The following FARS2 variants were observed in gnomAD, a reference collection of about 807,000 sequenced individuals.
FARS2 encodes the protein phenylalanine--tRNA ligase, mitochondrial.
FARS2 carries 40 observed loss-of-function variants against 46.4 expected under a neutral mutation model. The ratio of observed to expected loss-of-function variants is 0.86; its 90% CI spans 0.67 to 1.12. FARS2 has a LOEUF of 1.12. Among genes scored for constraint, FARS2 ranks in the 50% most tolerant of loss-of-function variants. The pLI is 0.00. For missense variants in FARS2, 513 were observed against 567.9 expected (o/e 0.90, Z 0.98); for synonymous variants, 234 against 214.9 (o/e 1.09, Z -0.78).
Position 5,717,933 on chromosome 6 carries a change from TATAC to T in FARS2, c.1218-53356_1218-53353del, listed in dbSNP as rs1207327653. 3.1e-5 allele frequency among the ~76,000 whole-genome samples: 4 copies of T among 128,226 alleles called. No homozygotes were observed. The East Asian group carries it at 6.0e-4, about 19-fold the overall frequency. 84.1% of individuals were successfully genotyped at this position (128,226 alleles called of 152,430 possible). A position where few individuals can be genotyped will look rare whatever the true frequency, so the allele number is the denominator to read the frequency against. ...CTATATATATATATATATATATATA[TATAC>T]AGAGTCTCACTCTGTCGCCCAGGCT... On this transcript the variant is annotated intron_variant, in intron 6 of 6. Transcript: ENST00000274680.
At chr6:5,526,087 C>T (rs904589656) in intron 4 of FARS2, among the ~76,000 whole-genome samples, 1 of 152,140 alleles carries the variant, frequency 6.6e-6, no homozygotes, top group Non-Finnish European at 1.5e-5. Context: ...TGTATTGATA[C>T]GTGAGATTGG....
chr6:5,624,586 C>T lies in FARS2; in HGVS notation c.1217+11266C>T, dbSNP rs187436890. 3.3e-4 allele frequency among the ~76,000 whole-genome samples: 51 copies of T among 152,330 alleles called. 1 individual carries two copies. In the East Asian group the frequency reaches 7.3e-3, roughly 22 times the overall value. On this transcript the variant is annotated intron_variant, in intron 6 of 6. Transcript: ENST00000274680. ...GAAATCCTTTTTAACTTTCACTTAG[C>T]GGTTTTCAGCGAGTCTTTGGCTATT...
intron 1 of FARS2, among the ~76,000 whole-genome samples, chr6:5,276,400 A>G (rs1040532689): frequency 1.3e-5 from 2 of 152,204 alleles, no homozygotes; most frequent in Non-Finnish European, 1.5e-5. Context: ...TTCCTACATC[A>G]GGACACTTGA....
chr6:5,437,909 A>G (rs574180840), intron 4 of FARS2, among the ~76,000 whole-genome samples: 1 of 152,274 alleles, frequency 6.6e-6, no homozygotes, highest in African/African-American at 2.4e-5. Flanking sequence ...CTTCAATAAG[A>G]AAAACTTTCC....
chr6:5,643,536 T>A (rs1388297715), intron 6 of FARS2, among the ~76,000 whole-genome samples: 1 of 152,230 alleles, frequency 6.6e-6, no homozygotes, highest in African/African-American at 2.4e-5. Context: ...GTGTTGGGCA[T>A]CAGTGGTGGT....
chr6:5,383,505 G>T (rs1759919939), intron 2 of FARS2, among the ~76,000 whole-genome samples: 1 of 152,204 alleles, frequency 6.6e-6, no homozygotes, highest in Non-Finnish European at 1.5e-5. Context: ...GGTGACCTTA[G>T]ATAAGTTCTT....
chr6:5,526,241 G>A (rs1769457904), intron 4 of FARS2, among the ~76,000 whole-genome samples: 2 of 152,164 alleles, frequency 1.3e-5, no homozygotes, highest in Admixed American at 6.5e-5. Flanking sequence ...TGATTTTCTA[G>A]TTTGTTTTTA....
chr6:5,279,846 C>T (rs1237819303), intron 1 of FARS2, among the ~76,000 whole-genome samples: 2 of 152,162 alleles, frequency 1.3e-5, no homozygotes, highest in South Asian at 2.1e-4. Context: ...AGGACCACCA[C>T]ATTGGAGAGG....
At chr6:5,592,482 C>T (rs1773973482) in intron 5 of FARS2, among the ~76,000 whole-genome samples, 1 of 152,032 alleles carries the variant, frequency 6.6e-6, no homozygotes, top group Non-Finnish European at 1.5e-5. Flanking sequence ...AGAGACACAG[C>T]CTCTACTATC....
At chr6:5,528,354 G>A (rs992481668) in intron 4 of FARS2, among the ~76,000 whole-genome samples, 44 of 151,998 alleles carry the variant, frequency 2.9e-4, no homozygotes, top group African/African-American at 9.2e-4. Context: ...ACCCCTACAT[G>A]TCATTTAAGA....
At chr6:5,739,734 G>A (rs962494495) in intron 6 of FARS2, among the ~76,000 whole-genome samples, 3 of 152,192 alleles carry the variant, frequency 2.0e-5, no homozygotes, top group African/African-American at 7.2e-5. Flanking sequence ...GAGGACAGTG[G>A]GTGAGGGGTT....
At chr6:5,613,807 G>A (rs998004832) in intron 6 of FARS2, among the ~76,000 whole-genome samples, 30 of 152,256 alleles carry the variant, frequency 2.0e-4, no homozygotes, top group African/African-American at 6.0e-4. Context: ...AGAGGCAGAC[G>A]TTAAATACAT....
chr6:5,762,972 C>A (rs1280645905), intron 6 of FARS2, among the ~76,000 whole-genome samples: 1 of 152,188 alleles, frequency 6.6e-6, no homozygotes, highest in Non-Finnish European at 1.5e-5. Flanking sequence ...GGAGAACCTC[C>A]TCTCCTCCTC....
chr6:5,461,193 C>A (rs766509062), intron 4 of FARS2, among the ~76,000 whole-genome samples: 6 of 152,082 alleles, frequency 3.9e-5, no homozygotes, highest in Non-Finnish European at 5.9e-5. Context: ...CATGCACCAT[C>A]ACGCCTGGCT....
At chr6:5,346,910 G>GTTTTTTTTTTTTTTTT (rs746722524) in intron 1 of FARS2, among the ~76,000 whole-genome samples, 1 of 139,232 alleles carries the variant, frequency 7.2e-6, no homozygotes, top group Non-Finnish European at 1.6e-5. Flanking sequence ...CCATTCATTA[G>GTTTTTTTTTTTTTTTT]GTTTTTTTTT....
intron 5 of FARS2, among the ~76,000 whole-genome samples, chr6:5,578,808 CAAAAAAAAAAAAA>C (rs56248218): frequency 2.0e-3 from 244 of 124,354 alleles, no homozygotes; most frequent in Middle Eastern, 4.0e-3. Context: ...CACTCCGTCT[CAAAAAAAAAAAAA>C]AAAAAAAAAA....
intron 1 of FARS2, among the ~76,000 whole-genome samples, chr6:5,365,076 A>T (rs1758563587): frequency 6.6e-6 from 1 of 151,834 alleles, no homozygotes; most frequent in Non-Finnish European, 1.5e-5. Context: ...AAAGCCAAAA[A>T]AAAAAACCCC....
At chr6:5,692,369 A>G (rs2150866284) in intron 6 of FARS2, among the ~76,000 whole-genome samples, 1 of 152,316 alleles carries the variant, frequency 6.6e-6, no homozygotes, top group South Asian at 2.1e-4. Flanking sequence ...TTTAAAATTT[A>G]TCTCAACCTC....
chr6:5,392,733 TATACACAC>T (rs1485651064), intron 2 of FARS2, among the ~76,000 whole-genome samples: 5 of 85,136 alleles, frequency 5.9e-5, no homozygotes, highest in African/African-American at 2.9e-4. Flanking sequence ...AATATATATA[TATACACAC>T]ACACACACAC....
Sources: allele counts gnomAD v4.1 joint callset (sites outside exome capture counted in the v4.1 genomes callset), GRCh38; gene constraint gnomAD v4.1.1; transcripts MANE v1.5; gene names NCBI Gene and HGNC (gene_info 2026-07-23, HGNC 2026-07-21).